NEGR1: variants seen among roughly 807,000 people sequenced by gnomAD.
NEGR1 encodes neuronal growth regulator 1.
A neutral mutation model predicts 40.9 loss-of-function variants in NEGR1; 10 were observed. The ratio of observed to expected loss-of-function variants is 0.24; its 90% CI spans 0.15 to 0.42. The LOEUF is 0.42. Among genes scored for constraint, NEGR1 ranks in the 10% least tolerant of loss-of-function variants. NEGR1 has a pLI of 1.00. For missense variants in NEGR1, 352 were observed against 438.9 expected, an observed-to-expected ratio of 0.80 and a Z score of 1.77; for synonymous variants, 185 against 166.8, an observed-to-expected ratio of 1.11 and a Z score of -0.84.
At chr1:71,652,265 A>C (rs571499631) in intron 4 of NEGR1, among the ~76,000 whole-genome samples, 15 of 152,264 alleles carry the variant, frequency 9.9e-5, no homozygotes, top group African/African-American at 3.1e-4. Flanking sequence ...CATAATATTA[A>C]TCTTTATCAT....
At chr1:72,175,116 C>A (rs764976402) in intron 1 of NEGR1, among the ~76,000 whole-genome samples, 1 of 152,016 alleles carries the variant, frequency 6.6e-6, no homozygotes, top group South Asian at 2.1e-4. Flanking sequence ...ATCCCTCCCC[C>A]CTTCCCCCGA....
chr1:72,186,841 G>A (rs1405963194), intron 1 of NEGR1, among the ~76,000 whole-genome samples: 9 of 151,480 alleles, frequency 5.9e-5, no homozygotes. Flanking sequence ...TAATTTTTCT[G>A]CAAAAGATTA....
chr1:71,459,799 G>A (rs909846628), intron 6 of NEGR1, among the ~76,000 whole-genome samples: 13 of 152,098 alleles, frequency 8.5e-5, no homozygotes, highest in African/African-American at 2.2e-4. Context: ...ACCTGCCTCC[G>A]TGCCTAGAAT....
At chr1:71,549,657 T>C (rs1038990343) in intron 6 of NEGR1, among the ~76,000 whole-genome samples, 6 of 151,704 alleles carry the variant, frequency 4.0e-5, no homozygotes, top group African/African-American at 1.4e-4. Flanking sequence ...AATCTAAACC[T>C]GGGTTTGTTA....
At chr1:72,098,908 T>TA (rs2100239421) in intron 1 of NEGR1, among the ~76,000 whole-genome samples, 1 of 151,812 alleles carries the variant, frequency 6.6e-6, no homozygotes, top group African/African-American at 2.4e-5. Context: ...CAAAACTAAA[T>TA]AAAAAATAAA....
chr1:71,934,552 T>C (rs7553008), intron 2 of NEGR1, among the ~76,000 whole-genome samples: 17,730 of 152,176 alleles, frequency 0.12, 1,554 homozygotes, highest in East Asian at 0.43. Flanking sequence ...GCTTGGAGGA[T>C]TGCATTTAAA....
At chr1:71,739,230 AC>A (rs1655137150) in intron 3 of NEGR1, among the ~76,000 whole-genome samples, 1 of 150,860 alleles carries the variant, frequency 6.6e-6, no homozygotes, top group Admixed American at 6.6e-5. Flanking sequence ...AAAAAAAAAA[AC>A]GTGAAAAGAC....
intron 6 of NEGR1, among the ~76,000 whole-genome samples, chr1:71,426,830 A>C (rs1042619194): frequency 2.6e-5 from 4 of 152,222 alleles, no homozygotes; most frequent in African/African-American, 9.6e-5. Flanking sequence ...AAAAATACAA[A>C]ACATCACCTT....
chr1:72,206,583 T>C lies in NEGR1; in HGVS notation c.176+75736A>G, dbSNP rs1039029446. ...TGTTCTCACTCTATAAGGTGATTTT[T>C]TTCAGAAAATAGGGATGACTAATAA... On this transcript the variant is annotated intron_variant, in intron 1 of 6. Transcript: ENST00000357731. Among the ~76,000 whole-genome samples, 13 of 152,186 alleles carry C rather than the reference T, an allele frequency of 8.5e-5. 1 individual carries two copies. Among genetic ancestry groups the C allele is most frequent in the African/African-American group, 3.1e-4 (13 of 41,530 alleles).
At chr1:71,686,457 A>T (rs1018036847) in intron 4 of NEGR1, among the ~76,000 whole-genome samples, 1 of 152,144 alleles carries the variant, frequency 6.6e-6, no homozygotes, top group African/African-American at 2.4e-5. Context: ...TGTAGCTTTC[A>T]AGGTCATCCT....
chr1:72,264,847 AAAGAG>A (rs1383085648), intron 1 of NEGR1, among the ~76,000 whole-genome samples: 1 of 150,834 alleles, frequency 6.6e-6, no homozygotes, highest in African/African-American at 2.4e-5. Context: ...TTTTGAACAT[AAAGAG>A]AAATCTAAAA....
intron 2 of NEGR1, among the ~76,000 whole-genome samples, chr1:71,917,846 T>C (rs1661633878): frequency 6.7e-6 from 1 of 149,734 alleles, no homozygotes; most frequent in Admixed American, 6.7e-5. Context: ...AGCAAACCAC[T>C]CTTCAAAAAG....
At chr1:72,114,218 A>G (rs2100275218) in intron 1 of NEGR1, among the ~76,000 whole-genome samples, 1 of 151,722 alleles carries the variant, frequency 6.6e-6, no homozygotes. Context: ...TAAGTAAAGC[A>G]TATTACCCTC....
chr1:72,131,180 T>G (rs572477871), intron 1 of NEGR1, among the ~76,000 whole-genome samples: 1 of 152,310 alleles, frequency 6.6e-6, no homozygotes, highest in East Asian at 1.9e-4. Context: ...TTTGTATAAT[T>G]TAACATCTAG....
intron 1 of NEGR1, among the ~76,000 whole-genome samples, chr1:72,120,541 G>C (rs1649759825): frequency 6.6e-6 from 1 of 150,702 alleles, no homozygotes; most frequent in African/African-American, 2.4e-5. Flanking sequence ...TTAAGTTTTA[G>C]GGTACATGTG....
intron 4 of NEGR1, among the ~76,000 whole-genome samples, chr1:71,690,394 A>G (rs1414413211): frequency 6.6e-6 from 1 of 151,828 alleles, no homozygotes; most frequent in Non-Finnish European, 1.5e-5. Context: ...CACGTTATAA[A>G]CTATATGTTT....
chr1:72,071,160 T>G (rs1647447407), intron 1 of NEGR1, among the ~76,000 whole-genome samples: 1 of 151,946 alleles, frequency 6.6e-6, no homozygotes, highest in African/African-American at 2.4e-5. Flanking sequence ...CAAATGGAAC[T>G]GCTAGAAAAG....
intron 3 of NEGR1, among the ~76,000 whole-genome samples, chr1:71,737,495 C>T (rs1455984733): frequency 6.6e-6 from 1 of 152,108 alleles, no homozygotes; most frequent in Non-Finnish European, 1.5e-5. Context: ...GGAGAACTCT[C>T]TCACTATGCA....
At chr1:71,697,869 C>G (rs1653536615) in intron 4 of NEGR1, 139 bp downstream of exon 4, 2 of 713,826 alleles carry the variant, frequency 2.8e-6, no homozygotes, top group Non-Finnish European at 4.6e-6. Flanking sequence ...ATTTCAACAT[C>G]TACACGTCTT....
Sources: gnomAD v4.1 joint callset for allele counts (sites outside exome capture counted in the v4.1 genomes callset) on GRCh38, gnomAD v4.1.1 for gene constraint, MANE v1.5 for transcripts, NCBI Gene and HGNC (gene_info 2026-07-23, HGNC 2026-07-21) for gene names.